SLCO6A1: variants seen among roughly 807,000 people sequenced by gnomAD.
The protein encoded by SLCO6A1 is cancer/testis antigen 48.
SLCO6A1 carries 65 observed loss-of-function variants against 72.7 expected under a neutral mutation model. The observed-to-expected ratio is 0.89, with a 90% confidence interval of 0.73 to 1.10. SLCO6A1 has a LOEUF of 1.10. Ranked by LOEUF, SLCO6A1 falls within the 50% of genes least tolerant of loss-of-function variation. The pLI, the probability that SLCO6A1 is intolerant of heterozygous loss-of-function variation, is 0.00. For missense variants in SLCO6A1, 874 were observed against 872.6 expected (o/e 1.00, Z -0.02); for synonymous variants, 314 against 298.2 (o/e 1.05, Z -0.55).
At chr5:102,381,275 G>C (rs779424629) in intron 12 of SLCO6A1, among the ~76,000 whole-genome samples, 104 of 151,622 alleles carry the variant, frequency 6.9e-4, no homozygotes, top group Non-Finnish European at 1.3e-3. Flanking sequence ...TCTATTCTCT[G>C]CTTCTGTTTG....
intron 7 of SLCO6A1, among the ~76,000 whole-genome samples, chr5:102,427,342 G>A (rs1418890160): frequency 6.6e-6 from 1 of 152,040 alleles, no homozygotes; most frequent in East Asian, 1.9e-4. Flanking sequence ...CCTGGCAAAT[G>A]CTACCTCAGC....
chr5:102,391,594 C>T (rs897009586), intron 10 of SLCO6A1, among the ~76,000 whole-genome samples: 7 of 151,884 alleles, frequency 4.6e-5, no homozygotes, highest in African/African-American at 1.7e-4. Flanking sequence ...GACAGTGTTC[C>T]ATGGGTGAAG....
intron 6 of SLCO6A1, among the ~76,000 whole-genome samples, chr5:102,445,644 C>T (rs1024975974): frequency 2.6e-5 from 4 of 152,098 alleles, no homozygotes; most frequent in Non-Finnish European, 4.4e-5. Flanking sequence ...GTGTCTTTGC[C>T]TGGGCCAACA....
intron 12 of SLCO6A1, among the ~76,000 whole-genome samples, chr5:102,383,081 T>C (rs1197984343): frequency 1.5e-5 from 2 of 137,692 alleles, no homozygotes; most frequent in Non-Finnish European, 3.1e-5. Context: ...ATATAGTGTA[T>C]GTATATGTGT....
intron 11 of SLCO6A1, 103 bp downstream of exon 11, chr5:102,390,878 G>T: frequency 1.0e-6 from 1 of 971,292 alleles, no homozygotes; most frequent in South Asian, 1.7e-5. Flanking sequence ...CACTCGCTTT[G>T]TGTCATTTAC....
intron 6 of SLCO6A1, among the ~76,000 whole-genome samples, chr5:102,456,878 A>G (rs895811495): frequency 2.0e-5 from 3 of 152,242 alleles, no homozygotes; most frequent in African/African-American, 7.2e-5. Context: ...GTACCAAAAC[A>G]GCATGGTACT....
chr5:102,474,758 A>C (rs1751808207), intron 4 of SLCO6A1, among the ~76,000 whole-genome samples: 1 of 152,044 alleles, frequency 6.6e-6, no homozygotes, highest in Non-Finnish European at 1.5e-5. Context: ...TGGCCAAAGG[A>C]CTTGGATTGA....
At chr5:102,495,687 C>T (rs1229025130) in intron 1 of SLCO6A1, among the ~76,000 whole-genome samples, 1 of 151,880 alleles carries the variant, frequency 6.6e-6, no homozygotes, top group Non-Finnish European at 1.5e-5. Context: ...TTTACTAAAA[C>T]TCATTGAATA....
intron 4 of SLCO6A1, among the ~76,000 whole-genome samples, chr5:102,462,077 C>T (rs1049837394): frequency 3.3e-5 from 5 of 152,146 alleles, no homozygotes; most frequent in East Asian, 3.9e-4. Context: ...TGCTATACAC[C>T]GACAATATCC....
chr5:102,400,233 C>G (rs561612564), intron 9 of SLCO6A1, among the ~76,000 whole-genome samples: 1 of 151,878 alleles, frequency 6.6e-6, no homozygotes, highest in African/African-American at 2.4e-5. Context: ...TGCCTAGAAT[C>G]TGTAACATAT....
chr5:102,413,167 A>G, intron 8 of SLCO6A1, 24 bp from the exon 9 acceptor site: 1 of 1,529,768 alleles, frequency 6.5e-7, no homozygotes, highest in South Asian at 1.4e-5. Flanking sequence ...ATTGAATGTA[A>G]TCATATTACC....
intron 7 of SLCO6A1, among the ~76,000 whole-genome samples, chr5:102,422,450 A>C (rs1483155952): frequency 2.0e-5 from 3 of 152,204 alleles, no homozygotes; most frequent in Non-Finnish European, 4.4e-5. Context: ...GGAGCTGAAA[A>C]ACACAGCACA....
intron 1 of SLCO6A1, among the ~76,000 whole-genome samples, chr5:102,494,156 G>A (rs998376443): frequency 6.6e-6 from 1 of 152,022 alleles, no homozygotes. Context: ...TTCCACAAAA[G>A]TATCAAGATA....
At chr5:102,471,073 G>A (rs1033101029) in intron 4 of SLCO6A1, among the ~76,000 whole-genome samples, 43 of 151,894 alleles carry the variant, frequency 2.8e-4, no homozygotes, top group Admixed American at 2.6e-4. Context: ...TTGTTGTAAT[G>A]ATTTCTCCAC....
chr5:102,434,649 G>A (rs1266332931), intron 7 of SLCO6A1, among the ~76,000 whole-genome samples: 1 of 152,110 alleles, frequency 6.6e-6, no homozygotes, highest in East Asian at 1.9e-4. Flanking sequence ...AACAACGATG[G>A]GATGCTAACA....
At chr5:102,466,080 A>C (rs1561485047) in intron 4 of SLCO6A1, among the ~76,000 whole-genome samples, 1 of 152,172 alleles carries the variant, frequency 6.6e-6, no homozygotes, top group Middle Eastern at 3.4e-3. Context: ...TTGTTAAATA[A>C]GTAAATGTGT....
chr5:102,386,753 G>C (rs1392330232), intron 12 of SLCO6A1, among the ~76,000 whole-genome samples: 2 of 152,184 alleles, frequency 1.3e-5, no homozygotes, highest in African/African-American at 2.4e-5. Context: ...ACCTGTAGTT[G>C]CAGCAGGCCT....
At chr5:102,435,423 T>C (rs1232425835) in intron 7 of SLCO6A1, among the ~76,000 whole-genome samples, 3 of 151,520 alleles carry the variant, frequency 2.0e-5, no homozygotes, top group South Asian at 2.1e-4. Context: ...ACACATGAAT[T>C]GTTACCCAAC....
In SLCO6A1 at chr5:102,423,532, G is replaced by T. The variant is rs138459322; in HGVS notation, c.1277-3511C>A. Among the ~76,000 whole-genome samples, 316 of 152,100 alleles carry T rather than the reference G, an allele frequency of 2.1e-3. 3 individuals carry two copies. Among genetic ancestry groups the T allele is most frequent in the African/African-American group, 7.2e-3 (300 of 41,508 alleles). ...CAAAGATCAAAAAAGCCAAAGAAGG[G>T]CATTACATATTGGTAAAGGGATCAA... On this transcript the variant is annotated intron_variant, in intron 7 of 13. Coordinates refer to ENST00000506729, the MANE Select transcript of SLCO6A1 (RefSeq NM_173488.5).
Sources: gnomAD v4.1 joint callset for allele counts (sites outside exome capture counted in the v4.1 genomes callset) on GRCh38, gnomAD v4.1.1 for gene constraint, MANE v1.5 for transcripts, NCBI Gene and HGNC (gene_info 2026-07-23, HGNC 2026-07-21) for gene names.